Variants in DRD3 observed in about 807,000 individuals in gnomAD.
The protein encoded by DRD3 is dopamine receptor D3.
In DRD3, 19 loss-of-function variants were observed where a neutral mutation model predicts 36.3. That is an observed-to-expected ratio of 0.52 (90% confidence interval 0.36 to 0.77). DRD3 has a LOEUF of 0.77. DRD3 is among the 30% of genes least tolerant of loss of function. DRD3 has a pLI of 0.00. For missense variants in DRD3, 465 were observed against 505.3 expected (o/e 0.92, Z 0.77); for synonymous variants, 195 against 203.7 (o/e 0.96, Z 0.36).
At chr3:114,135,970 C>T (rs549464726) in intron 5 of DRD3, among the ~76,000 whole-genome samples, 12 of 152,272 alleles carry the variant, frequency 7.9e-5, no homozygotes, top group South Asian at 2.1e-4. Context: ...GGATTACAGG[C>T]GTGAGCCACC....
rs78468771 is a variant in DRD3 at position 114,140,597 on chromosome 3, T to C, written c.527-901A>G. 9.4e-4 allele frequency among the ~76,000 whole-genome samples: 143 copies of C among 152,364 alleles called. 1 individual carries two copies. Among genetic ancestry groups the C allele is most frequent in the East Asian group, 8.5e-3 (44 of 5,184 alleles). On this transcript the variant is annotated intron_variant, in intron 4 of 6. Transcript: ENST00000383673. ...TATATGAGACAGGTGCCATTATTAC[T>C]GTCTCTCTTTTCGGATGAGCAGATT...
chr3:114,192,886 C>T (rs751808941), intron 1 of DRD3, among the ~76,000 whole-genome samples: 3 of 152,124 alleles, frequency 2.0e-5, no homozygotes, highest in Non-Finnish European at 4.4e-5. Context: ...TTCTGTTGAA[C>T]TTAATATTTA....
At chr3:114,188,775 GATTT>G (rs1222630078) in intron 1 of DRD3, among the ~76,000 whole-genome samples, 1 of 152,182 alleles carries the variant, frequency 6.6e-6, no homozygotes, top group Non-Finnish European at 1.5e-5. Flanking sequence ...GCTGCTGACA[GATTT>G]ATTAGGACAT....
intron 6 of DRD3, among the ~76,000 whole-genome samples, 168 bp from the exon 7 acceptor site, chr3:114,129,080 C>T (rs1238835554): frequency 3.9e-5 from 6 of 152,062 alleles, no homozygotes; most frequent in Admixed American, 2.6e-4. Context: ...TGGTGGCTCA[C>T]GCTTGTAATC....
At chr3:114,168,250 C>A (rs2077804917) in intron 2 of DRD3, among the ~76,000 whole-genome samples, 1 of 152,166 alleles carries the variant, frequency 6.6e-6, no homozygotes, top group African/African-American at 2.4e-5. Context: ...GTTGTTGTCA[C>A]CTCCATTTTA....
At chr3:114,130,083 A>G (rs565339757) in intron 6 of DRD3, among the ~76,000 whole-genome samples, 2 of 152,084 alleles carry the variant, frequency 1.3e-5, no homozygotes, top group South Asian at 4.2e-4. Context: ...CCCTGTCACT[A>G]CAAAAAACAA....
At chr3:114,172,160 G>T in intron 1 of DRD3, 133 bp from the exon 2 acceptor site, 1 of 663,872 alleles carries the variant, frequency 1.5e-6, no homozygotes, top group Non-Finnish European at 2.2e-6. Context: ...TGTTGTGAGA[G>T]TTGGAGATAG....
chr3:114,159,722 T>C, intron 3 of DRD3, 33 bp downstream of exon 3: 1 of 1,599,740 alleles, frequency 6.3e-7, no homozygotes, highest in South Asian at 1.1e-5. Context: ...TCCCCAGCTT[T>C]TGGGCCACCT....
At chr3:114,154,614 C>T (rs1020165785) in intron 3 of DRD3, among the ~76,000 whole-genome samples, 1 of 152,122 alleles carries the variant, frequency 6.6e-6, no homozygotes, top group East Asian at 1.9e-4. Context: ...ATATAAAGTG[C>T]TTATTTAGAT....
chr3:114,163,462 A>C (rs1030495408), intron 2 of DRD3, among the ~76,000 whole-genome samples: 1 of 152,164 alleles, frequency 6.6e-6, no homozygotes, highest in Non-Finnish European at 1.5e-5. Flanking sequence ...TGCCAAATGG[A>C]GACCTGGAAG....
chr3:114,152,142 G>A (rs1179555550), intron 3 of DRD3, among the ~76,000 whole-genome samples: 10 of 152,020 alleles, frequency 6.6e-5, no homozygotes, highest in African/African-American at 1.5e-4. Flanking sequence ...GTGGTGATTC[G>A]CGAGATCCTG....
intron 1 of DRD3, among the ~76,000 whole-genome samples, chr3:114,196,941 A>G (rs1178822431): frequency 6.7e-6 from 1 of 150,062 alleles, no homozygotes; most frequent in African/African-American, 2.4e-5. Flanking sequence ...CTTTTTATGC[A>G]CCTAATAGTC....
chr3:114,137,436 A>ATCTCC lies in DRD3; in HGVS notation c.723+2059_723+2063dup, dbSNP rs1476123191. Among the ~76,000 whole-genome samples the ATCTCC allele has an allele frequency of 3.3e-5, 5 of 152,294 alleles. No homozygotes were observed. The East Asian group carries it at 9.7e-4, about 29-fold the overall frequency. ...TTCATATCCTCAGCCTTGGGTCTTG[A>ATCTCC]TCTCCTCTTTCATGGGGATTAATAG... On this transcript the variant is annotated intron_variant, in intron 5 of 6. Transcript: ENST00000383673.
At chr3:114,143,978 G>A (rs775625909) in intron 4 of DRD3, among the ~76,000 whole-genome samples, 1 of 152,212 alleles carries the variant, frequency 6.6e-6, no homozygotes, top group Admixed American at 6.5e-5. Flanking sequence ...GGGTTGGGCT[G>A]CTCATTCAGG....
intron 5 of DRD3, among the ~76,000 whole-genome samples, chr3:114,137,286 G>A (rs553193215): frequency 9.8e-5 from 15 of 152,330 alleles, no homozygotes; most frequent in African/African-American, 3.6e-4. Context: ...ACTGACAACT[G>A]CTGAATGGGG....
chr3:114,186,060 C>T (rs766903168), intron 1 of DRD3, among the ~76,000 whole-genome samples: 11 of 152,222 alleles, frequency 7.2e-5, no homozygotes, highest in Non-Finnish European at 1.5e-4. Context: ...ATCAGCCTGA[C>T]GTGCAAATTT....
intron 4 of DRD3, among the ~76,000 whole-genome samples, chr3:114,140,400 A>T (rs1163192486): frequency 2.0e-5 from 3 of 152,140 alleles, no homozygotes; most frequent in Non-Finnish European, 4.4e-5. Flanking sequence ...TCTCCTTGGG[A>T]GGTCCCTCTA....
intron 1 of DRD3, among the ~76,000 whole-genome samples, chr3:114,184,616 T>A (rs2077965204): frequency 8.1e-6 from 1 of 122,948 alleles, no homozygotes; most frequent in Admixed American, 9.5e-5. Context: ...AGTGGTAATG[T>A]GGTAATGCTC....
At chr3:114,169,990 G>A (rs543777204) in intron 2 of DRD3, among the ~76,000 whole-genome samples, 1 of 152,288 alleles carries the variant, frequency 6.6e-6, no homozygotes, top group African/African-American at 2.4e-5. Flanking sequence ...ATTTCTTCCT[G>A]CCATTCATCC....
Sources: gnomAD v4.1 joint callset for allele counts (sites outside exome capture counted in the v4.1 genomes callset) on GRCh38, gnomAD v4.1.1 for gene constraint, MANE v1.5 for transcripts, NCBI Gene and HGNC (gene_info 2026-07-23, HGNC 2026-07-21) for gene names.